HPRT1: variants seen among roughly 807,000 people sequenced by gnomAD.
HPRT1 encodes the protein hypoxanthine-guanine phosphoribosyltransferase.
A neutral mutation model predicts 19.0 loss-of-function variants in HPRT1; 4 were observed. The ratio of observed to expected loss-of-function variants is 0.21; its 90% confidence interval spans 0.10 to 0.48. HPRT1 has a LOEUF of 0.48. Ranked by LOEUF, HPRT1 falls within the 20% of genes least tolerant of loss-of-function variation. The pLI, the probability that HPRT1 is intolerant of heterozygous loss-of-function variation, is 0.98. For synonymous variants in HPRT1, 53 were observed against 54.9 expected, an observed-to-expected ratio of 0.97 and a Z score of 0.15; for missense variants, 65 against 164.0, an observed-to-expected ratio of 0.40 and a Z score of 3.30.
At chrX:134,499,852 A>G (rs1014772797) in intron 8 of HPRT1, among the ~76,000 whole-genome samples, 178 bp from the exon 9 acceptor site, 1 of 111,810 alleles carries the variant, frequency 8.9e-6, no homozygotes, top group African/African-American at 3.2e-5. Context: ...GTGATAGACT[A>G]CTGCTTTGTT....
intron 5 of HPRT1, among the ~76,000 whole-genome samples, chrX:134,490,909 GT>G (rs1360232112): frequency 9.4e-6 from 1 of 106,533 alleles, no homozygotes; most frequent in African/African-American, 3.4e-5. Flanking sequence ...AAAATCTCAT[GT>G]TTTCACACCG....
At chrX:134,491,812 T>C (rs1459003464) in intron 5 of HPRT1, among the ~76,000 whole-genome samples, 4 of 106,763 alleles carry the variant, frequency 3.7e-5, no homozygotes, top group Non-Finnish European at 7.7e-5. Context: ...GCTCACTAAC[T>C]ACTCTGCCTC....
chrX:134,468,915 T>G (rs2077604041), intron 1 of HPRT1, among the ~76,000 whole-genome samples: 1 of 111,650 alleles, frequency 9.0e-6, no homozygotes, highest in African/African-American at 3.3e-5. Flanking sequence ...GTTTTTATTT[T>G]GTAAAAAATT....
intron 2 of HPRT1, among the ~76,000 whole-genome samples, chrX:134,473,884 G>A (rs758900412): frequency 1.8e-5 from 2 of 111,854 alleles, no homozygotes; most frequent in Non-Finnish European, 3.8e-5. Context: ...TGCATTGTAT[G>A]TCTGGCTATT....
At chrX:134,498,514 G>A in intron 7 of HPRT1, 78 bp downstream of exon 7, 1 of 1,017,695 alleles carries the variant, frequency 9.8e-7, no homozygotes. Flanking sequence ...GCTTATAATT[G>A]CTTAGAGAAT....
At chrX:134,462,451 G>A (rs74836176) in intron 1 of HPRT1, among the ~76,000 whole-genome samples, 1 of 112,038 alleles carries the variant, frequency 8.9e-6, no homozygotes, top group African/African-American at 3.2e-5. Context: ...CAAAGTGCTG[G>A]GATTACAGGC....
At chrX:134,467,282 C>T (rs1364667412) in intron 1 of HPRT1, among the ~76,000 whole-genome samples, 2 of 111,513 alleles carry the variant, frequency 1.8e-5, no homozygotes, top group African/African-American at 6.5e-5. Context: ...AACTTCTGGC[C>T]TCAGGTGATC....
At chrX:134,499,628 C>T (rs1042660921) in intron 8 of HPRT1, among the ~76,000 whole-genome samples, 2 of 110,586 alleles carry the variant, frequency 1.8e-5, no homozygotes, top group Admixed American at 1.9e-4. Context: ...CACGGTGAAA[C>T]CCCGTCTCTA....
At chrX:134,477,015 G>GTTAT (rs1209554108) in intron 3 of HPRT1, among the ~76,000 whole-genome samples, 2 of 97,714 alleles carry the variant, frequency 2.0e-5, no homozygotes, top group African/African-American at 7.7e-5. Context: ...TTATTGATAT[G>GTTAT]TTTATTTTAT....
chrX:134,463,433 T>C (rs1197737855), intron 1 of HPRT1, among the ~76,000 whole-genome samples: 1 of 111,574 alleles, frequency 9.0e-6, no homozygotes, highest in Non-Finnish European at 1.9e-5. Flanking sequence ...CACCTTTTTT[T>C]TGTCCTTGGC....
chrX:134,497,776 C>G (rs1037831972), intron 6 of HPRT1, among the ~76,000 whole-genome samples: 7 of 110,621 alleles, frequency 6.3e-5, no homozygotes, highest in Non-Finnish European at 1.3e-4. Flanking sequence ...AAAACCCCAT[C>G]TCTACTAAAT....
At chrX:134,488,325 A>G (rs1290355785) in intron 4 of HPRT1, among the ~76,000 whole-genome samples, 1 of 109,692 alleles carries the variant, frequency 9.1e-6, no homozygotes, top group Non-Finnish European at 1.9e-5. Flanking sequence ...TTTAGTAGAG[A>G]CAGGGTTTCA....
chrX:134,497,662 T>C (rs1296102409), intron 6 of HPRT1, among the ~76,000 whole-genome samples: 1 of 107,891 alleles, frequency 9.3e-6, no homozygotes, highest in Non-Finnish European at 1.9e-5. Flanking sequence ...AAAAGAATGT[T>C]GTGGCCAGGC....
chrX:134,498,412 C>G lies in HPRT1; in HGVS notation c.508C>G (p.Arg170Gly). The change falls in exon 7 of 9, where the codon CGA becomes GGA. Residue 170 changes from arginine (R) to glycine (G), a missense_variant. Physicochemically the swap from Arg to Gly is moderately radical, Grantham distance 125 (BLOSUM62 -2). Coordinates refer to ENST00000298556, the MANE Select transcript of HPRT1 (RefSeq NM_000194.3). ...CAGCTTGCTGGTGAAAAGGACCCCA[C>G]GAAGTGTTGGATATAAGCCAGACTG... ...VASLLVKRTP[R>G]SVGYKPDFVG... The G allele has an allele frequency of 8.3e-7, 1 of 1,205,821 alleles. No individual in the cohort carries two copies. Among genetic ancestry groups the G allele is most frequent in the Non-Finnish European group, 1.1e-6 (1 of 889,972 alleles).
chrX:134,479,432 G>GACAA (rs2077633473), intron 3 of HPRT1, among the ~76,000 whole-genome samples: 1 of 109,969 alleles, frequency 9.1e-6, no homozygotes, highest in Non-Finnish European at 1.9e-5. Context: ...ACCATGCCTG[G>GACAA]CTAATTTTTG....
At chrX:134,490,803 GT>G (rs906549521) in intron 5 of HPRT1, among the ~76,000 whole-genome samples, 1 of 108,871 alleles carries the variant, frequency 9.2e-6, no homozygotes, top group Admixed American at 1.0e-4. Flanking sequence ...GCTTTAACAA[GT>G]TTCCGAGTGA....
At chrX:134,480,755 ATAACT>A (rs138629537) in intron 3 of HPRT1, among the ~76,000 whole-genome samples, 14,229 of 99,395 alleles carry the variant, frequency 0.14, 1,157 homozygotes, top group Non-Finnish European at 0.21. Context: ...GGCCAAAACG[ATAACT>A]TAAAATACAC....
chrX:134,474,522 C>G (rs112449516), intron 2 of HPRT1, among the ~76,000 whole-genome samples: 1 of 107,415 alleles, frequency 9.3e-6, no homozygotes, highest in Admixed American at 1.0e-4. Flanking sequence ...TGGGTTCAAG[C>G]GATCCTTCCA....
chrX:134,462,608 G>A (rs2077587657), intron 1 of HPRT1, among the ~76,000 whole-genome samples: 2 of 112,265 alleles, frequency 1.8e-5, no homozygotes, highest in East Asian at 2.8e-4. Flanking sequence ...ATGAGCCACC[G>A]TGCCTGGCCT....
Sources: allele counts gnomAD v4.1 joint callset (sites outside exome capture counted in the v4.1 genomes callset), GRCh38; gene constraint gnomAD v4.1.1; transcripts MANE v1.5; gene names NCBI Gene and HGNC (gene_info 2026-07-23, HGNC 2026-07-21).